The following CSMD1 variants were observed in gnomAD, a reference collection of about 807,000 sequenced individuals.
CSMD1 encodes the protein CUB and Sushi multiple domains 1, also known as CUB and sushi domain-containing protein 1.
In CSMD1, 213 loss-of-function variants were observed where a neutral mutation model predicts 417.5. That is an observed-to-expected ratio of 0.51 (90% CI 0.46 to 0.57). The LOEUF (loss-of-function observed/expected upper bound fraction) is 0.57. Ranked by LOEUF, CSMD1 falls within the 20% of genes least tolerant of loss-of-function variation. CSMD1 has a pLI of 0.00. For synonymous variants in CSMD1, 2,862 were observed against 1,736.8 expected (o/e 1.65, Z -16.11); for missense variants, 6,923 against 4,529.7 (o/e 1.53, Z -15.17).
At chr8:3,174,224 T>A (rs2129044887) in intron 37 of CSMD1, among the ~76,000 whole-genome samples, 1 of 152,358 alleles carries the variant, frequency 6.6e-6, no homozygotes, top group South Asian at 2.1e-4. Flanking sequence ...CCAGGCACAG[T>A]GGCTCAAGCC....
At chr8:4,349,216 G>C (rs932085342) in intron 3 of CSMD1, among the ~76,000 whole-genome samples, 2 of 152,198 alleles carry the variant, frequency 1.3e-5, no homozygotes, top group African/African-American at 4.8e-5. Flanking sequence ...ATGACTATAA[G>C]AAGGGCTTGT....
chr8:3,750,139 G>C (rs1369459174), intron 6 of CSMD1, among the ~76,000 whole-genome samples: 1 of 152,072 alleles, frequency 6.6e-6, no homozygotes, highest in African/African-American at 2.4e-5. Context: ...ACCACAAAGG[G>C]TTTCTTAGGA....
At chr8:4,831,614 T>C (rs1426553087) in intron 1 of CSMD1, among the ~76,000 whole-genome samples, 1 of 152,150 alleles carries the variant, frequency 6.6e-6, no homozygotes, top group Non-Finnish European at 1.5e-5. Context: ...AGCCACCTGG[T>C]GACACTCTTT....
intron 11 of CSMD1, among the ~76,000 whole-genome samples, chr8:3,481,697 G>A (rs1005364874): frequency 2.0e-5 from 3 of 152,162 alleles, no homozygotes; most frequent in Non-Finnish European, 2.9e-5. Context: ...ATTTCAGGCA[G>A]AGAAGATGGT....
intron 3 of CSMD1, among the ~76,000 whole-genome samples, chr8:4,040,585 A>G (rs1797834724): frequency 6.6e-6 from 1 of 152,202 alleles, no homozygotes; most frequent in Non-Finnish European, 1.5e-5. Flanking sequence ...GGTTAGTTAT[A>G]ATAACATGCA....
intron 26 of CSMD1, among the ~76,000 whole-genome samples, chr8:3,238,064 T>G (rs1405811020): frequency 6.6e-6 from 1 of 151,818 alleles, no homozygotes. Context: ...TTCACCTGGG[T>G]GCAGACGGGC....
chr8:4,419,651 G>C (rs1725132), intron 3 of CSMD1, among the ~76,000 whole-genome samples: 3 of 152,018 alleles, frequency 2.0e-5, no homozygotes, highest in East Asian at 1.9e-4. Context: ...TCTTTACCAC[G>C]TAAGAGGGCT....
intron 10 of CSMD1, among the ~76,000 whole-genome samples, chr8:3,511,474 G>C (rs1403107309): frequency 6.6e-6 from 1 of 151,740 alleles, no homozygotes; most frequent in Non-Finnish European, 1.5e-5. Flanking sequence ...TCTGTGGCCA[G>C]CCAGGCACGT....
intron 12 of CSMD1, among the ~76,000 whole-genome samples, chr8:3,445,142 C>G (rs1417360204): frequency 1.3e-5 from 2 of 152,162 alleles, no homozygotes; most frequent in Non-Finnish European, 2.9e-5. Context: ...TACTTACAAC[C>G]TACATCAAAC....
At chr8:3,992,193 A>C (rs2554608) in intron 5 of CSMD1, among the ~76,000 whole-genome samples, 1 of 150,488 alleles carries the variant, frequency 6.6e-6, no homozygotes, top group African/African-American at 2.4e-5. Flanking sequence ...ATATATTTAC[A>C]TTCATATTTA....
intron 41 of CSMD1, among the ~76,000 whole-genome samples, chr8:3,123,246 T>G (rs1178793014): frequency 6.6e-6 from 1 of 152,146 alleles, no homozygotes; most frequent in Non-Finnish European, 1.5e-5. Flanking sequence ...TGGGCCAACC[T>G]GTCAAATGCA....
At chr8:4,749,535 T>C (rs1811172494) in intron 1 of CSMD1, among the ~76,000 whole-genome samples, 1 of 152,240 alleles carries the variant, frequency 6.6e-6, no homozygotes, top group Non-Finnish European at 1.5e-5. Flanking sequence ...ATTTTTATTT[T>C]ACTCTAGACT....
intron 5 of CSMD1, among the ~76,000 whole-genome samples, chr8:3,908,198 G>A (rs1808235613): frequency 6.6e-6 from 1 of 152,086 alleles, no homozygotes; most frequent in African/African-American, 2.4e-5. Context: ...TAGATACTAA[G>A]CACATAATAG....
chr8:4,247,297 C>G (rs2128827873), intron 3 of CSMD1, among the ~76,000 whole-genome samples: 1 of 152,174 alleles, frequency 6.6e-6, no homozygotes, highest in Middle Eastern at 3.4e-3. Flanking sequence ...AATGGGTGGT[C>G]AATTGTCTTC....
chr8:4,064,728 C>G (rs547054321), intron 3 of CSMD1, among the ~76,000 whole-genome samples: 2 of 152,206 alleles, frequency 1.3e-5, no homozygotes, highest in African/African-American at 4.8e-5. Context: ...CGTACTCAAC[C>G]TTCACAACCG....
chr8:3,142,219 C>T (rs368513867), intron 41 of CSMD1, among the ~76,000 whole-genome samples: 3 of 152,158 alleles, frequency 2.0e-5, no homozygotes, highest in African/African-American at 4.8e-5. Context: ...TTGCAATTCC[C>T]GTCTTGATAA....
Position 3,343,404 on chromosome 8 carries a change from G to T in CSMD1, c.3521C>A (p.Thr1174Asn). ...GATCAGCCCCAGAAGTTCATTTTTA[G>T]TGAACGTGCCCAGTGGACGTGAGGA... is the stretch of plus-strand genomic sequence containing the variant. ...DSSSRPLGTF[T>N]KNELLGLILN... The change falls in exon 23 of 70, where the codon ACT becomes AAT. Residue 1174 changes from threonine to asparagine, a missense_variant. Physicochemically the swap from Thr to Asn is moderately conservative, Grantham distance 65 (BLOSUM62 0). Coordinates refer to ENST00000635120, the MANE Select transcript of CSMD1 (RefSeq NM_033225.6). The T allele has an allele frequency of 6.2e-7, 1 of 1,613,782 alleles. No individual in the cohort carries two copies. The highest frequency in any genetic ancestry group is 8.5e-7 in the Non-Finnish European group (1 of 1,179,736).
intron 6 of CSMD1, among the ~76,000 whole-genome samples, chr8:3,753,350 G>A (rs1283486855): frequency 6.6e-6 from 1 of 152,144 alleles, no homozygotes; most frequent in Non-Finnish European, 1.5e-5. Context: ...GATACAATAT[G>A]ATCTAGGTAT....
At chr8:3,156,136 T>C (rs1819513750) in intron 39 of CSMD1, among the ~76,000 whole-genome samples, 1 of 152,254 alleles carries the variant, frequency 6.6e-6, no homozygotes, top group African/African-American at 2.4e-5. Context: ...AAGGCTATTC[T>C]GTGGCCTTTA....
Sources: allele counts gnomAD v4.1 joint callset (sites outside exome capture counted in the v4.1 genomes callset), GRCh38; gene constraint gnomAD v4.1.1; transcripts MANE v1.5; gene names NCBI Gene and HGNC (gene_info 2026-07-23, HGNC 2026-07-21).